Variants in NIPBL observed in about 807,000 individuals in gnomAD.
NIPBL encodes nipped-B-like protein.
Under a neutral mutation model 321.8 loss-of-function variants are expected in NIPBL, and 19 were observed. The ratio of observed to expected loss-of-function variants is 0.06; its 90% confidence interval spans 0.04 to 0.09. The LOEUF (loss-of-function observed/expected upper bound fraction) is 0.09. Ranked by LOEUF, NIPBL falls within the 10% of genes least tolerant of loss-of-function variation. The pLI, the probability that NIPBL is intolerant of heterozygous loss-of-function variation, is 1.00. For synonymous variants in NIPBL, 1,106 were observed against 1,114.1 expected (o/e 0.99, Z 0.14); for missense variants, 2,210 against 3,327.0 (o/e 0.66, Z 8.26).
intron 10 of NIPBL, among the ~76,000 whole-genome samples, chr5:36,990,276 C>A (rs937969519): frequency 1.3e-5 from 2 of 152,212 alleles, no homozygotes; most frequent in Admixed American, 1.3e-4. Context: ...TCTACTGTTA[C>A]AGTTACACTA....
chr5:36,995,074 A>G (rs1482801772), intron 10 of NIPBL: 3 of 152,760 alleles, frequency 2.0e-5, no homozygotes, highest in African/African-American at 4.8e-5. Flanking sequence ...ATGCCCTCAA[A>G]TAGACAGTAA....
chr5:36,940,806 A>G (rs1738982003), intron 1 of NIPBL, among the ~76,000 whole-genome samples: 1 of 152,214 alleles, frequency 6.6e-6, no homozygotes, highest in African/African-American at 2.4e-5. Flanking sequence ...TAAGGATTAA[A>G]TGAATTAAAA....
Position 36,916,910 on chromosome 5 carries a change from C to T in NIPBL, c.-79-36708C>T, listed in dbSNP as rs570326360. ...TAATCCAGTCTATCATTGTTGGACA[C>T]TTGGGTTGGTTCCAAGTCTTTGCTA... On this transcript the variant is annotated intron_variant, in intron 1 of 46. Transcript: ENST00000282516. Among the ~76,000 whole-genome samples, 165 of 152,068 alleles carry T rather than the reference C, an allele frequency of 1.1e-3. 2 individuals are homozygous for T. The highest frequency in any genetic ancestry group is 3.7e-3 in the African/African-American group (152 of 41,446).
At chr5:36,999,959 C>T (rs565383433) in intron 11 of NIPBL, among the ~76,000 whole-genome samples, 33 of 152,288 alleles carry the variant, frequency 2.2e-4, no homozygotes, top group African/African-American at 7.7e-4. Context: ...CCAAACCCTG[C>T]TCCCCATCAG....
chr5:36,974,696 A>G (rs1293819984), intron 8 of NIPBL, among the ~76,000 whole-genome samples: 2 of 152,118 alleles, frequency 1.3e-5, no homozygotes, highest in Non-Finnish European at 1.5e-5. Flanking sequence ...CAATAAATAA[A>G]GTTGTATGTT....
In NIPBL at chr5:37,036,369, G is replaced by GTAT; in HGVS notation, c.5863-9_5863-7dup. On this transcript the variant is annotated splice_polypyrimidine_tract_variant and intron_variant, in intron 32 of 46. Coordinates refer to ENST00000282516, the MANE Select transcript of NIPBL (RefSeq NM_133433.4). ...TATGTATATATATATATATATATAT[G>GTAT]TATATATAGTTGTTGAAGTCCGAAG... 1 of 593,696 alleles carries GTAT rather than the reference G, an allele frequency of 1.7e-6. No homozygotes were observed. 36.8% of individuals were successfully genotyped at this position (593,696 alleles called of 1,614,324 possible).
chr5:36,908,830 A>C (rs1035611960), intron 1 of NIPBL, among the ~76,000 whole-genome samples: 1 of 152,254 alleles, frequency 6.6e-6, no homozygotes, highest in African/African-American at 2.4e-5. Context: ...GGTCAGGTGC[A>C]GGTTCTGTAG....
chr5:37,061,787 C>T (rs1561228752), intron 45 of NIPBL, among the ~76,000 whole-genome samples: 1 of 152,152 alleles, frequency 6.6e-6, no homozygotes, highest in African/African-American at 2.4e-5. Flanking sequence ...AATGTAAATG[C>T]TATATACATA....
intron 3 of NIPBL, among the ~76,000 whole-genome samples, chr5:36,955,850 G>T (rs1300964295): frequency 6.6e-6 from 1 of 152,032 alleles, no homozygotes; most frequent in Non-Finnish European, 1.5e-5. Context: ...TCTGACCCAT[G>T]TAGCTCTATG....
intron 4 of NIPBL, among the ~76,000 whole-genome samples, chr5:36,959,888 G>A (rs1013420066): frequency 6.6e-6 from 1 of 151,758 alleles, no homozygotes; most frequent in Admixed American, 6.6e-5. Context: ...TCAATTAATT[G>A]CATGTTATTT....
chr5:37,006,627 C>T (rs746015091), intron 17 of NIPBL, 39 bp downstream of exon 17: 5 of 1,417,892 alleles, frequency 3.5e-6, no homozygotes, highest in Non-Finnish European at 4.9e-6. Flanking sequence ...TAAATTTTTG[C>T]CATGTTAGAT....
At chr5:36,977,297 C>G (rs1490169268) in intron 9 of NIPBL, among the ~76,000 whole-genome samples, 8 of 151,534 alleles carry the variant, frequency 5.3e-5, no homozygotes, top group Non-Finnish European at 1.2e-4. Context: ...TATTTTATTT[C>G]TTGGTAATGA....
rs898040610 is a variant in NIPBL, at chr5:37,019,474, C to T, written c.5010+74C>T. On this transcript the variant is annotated intron_variant, in intron 25 of 46. Transcript: ENST00000282516. ...TGGGTTTAAGAAAATTGGGAGGTAGCATGATGAAGAGGAAAACTTAAGTTG... is the reference window on the plus strand; with the variant it reads ...TGGGTTTAAGAAAATTGGGAGGTAGTATGATGAAGAGGAAAACTTAAGTTG... 7.6e-6 allele frequency: 8 copies of T among 1,053,624 alleles called. No individual in the cohort carries two copies. In the African/African-American group the frequency reaches 1.3e-4, roughly 16 times the overall value. 65.3% of individuals were successfully genotyped at this position (1,053,624 alleles called of 1,614,324 possible). A position where few individuals can be genotyped will look rare whatever the true frequency, so the allele number is the denominator to read the frequency against.
At chr5:36,946,986 T>C (rs1200022385) in intron 1 of NIPBL, among the ~76,000 whole-genome samples, 1 of 152,152 alleles carries the variant, frequency 6.6e-6, no homozygotes, top group African/African-American at 2.4e-5. Context: ...TTCTGCTGCA[T>C]GCTGCCTGTT....
At chr5:36,997,924 G>A (rs867985330) in intron 11 of NIPBL, among the ~76,000 whole-genome samples, 1 of 152,152 alleles carries the variant, frequency 6.6e-6, no homozygotes, top group Non-Finnish European at 1.5e-5. Context: ...AATCAAATTG[G>A]TTTCTCAAAA....
At chr5:37,008,204 A>G (rs1281864558) in intron 19 of NIPBL, 116 bp downstream of exon 19, 14 of 709,032 alleles carry the variant, frequency 2.0e-5, no homozygotes, top group Non-Finnish European at 2.1e-5. Flanking sequence ...CATTCATTTC[A>G]ATCTAAGGAC....
intron 1 of NIPBL, among the ~76,000 whole-genome samples, chr5:36,942,352 A>C (rs1369921966): frequency 6.8e-6 from 1 of 148,070 alleles, no homozygotes; most frequent in Non-Finnish European, 1.5e-5. Flanking sequence ...GAATGGCTTG[A>C]ACCCAGGAGT....
At chr5:36,977,937 G>T (rs902850587) in intron 9 of NIPBL, among the ~76,000 whole-genome samples, 3 of 151,922 alleles carry the variant, frequency 2.0e-5, no homozygotes, top group African/African-American at 7.2e-5. Context: ...CAGAGGACAT[G>T]ATTTCATTCT....
At chr5:36,893,110 C>T (rs1277615793) in intron 1 of NIPBL, among the ~76,000 whole-genome samples, 1 of 152,034 alleles carries the variant, frequency 6.6e-6, no homozygotes, top group African/African-American at 2.4e-5. Flanking sequence ...GCAAAGTTCT[C>T]TTAGGGCCTT....
Sources: gnomAD v4.1 joint callset for allele counts (sites outside exome capture counted in the v4.1 genomes callset) on GRCh38, gnomAD v4.1.1 for gene constraint, MANE v1.5 for transcripts, NCBI Gene and HGNC (gene_info 2026-07-23, HGNC 2026-07-21) for gene names.